Variants in FGF13 observed in about 807,000 individuals in gnomAD.
The protein encoded by FGF13 is fibroblast growth factor homologous factor 2.
In FGF13, 2 loss-of-function variants were observed where a neutral mutation model predicts 19.5. That is an observed-to-expected ratio of 0.10 (90% CI 0.04 to 0.32). FGF13 has a LOEUF of 0.32. Among genes scored for constraint, FGF13 ranks in the 10% least tolerant of loss-of-function variants. FGF13 has a pLI of 1.00. For missense variants in FGF13, 113 were observed against 192.7 expected, an observed-to-expected ratio of 0.59 and a Z score of 2.45; for synonymous variants, 72 against 76.9, an observed-to-expected ratio of 0.94 and a Z score of 0.33.
intron 1 of FGF13, among the ~76,000 whole-genome samples, chrX:139,084,046 T>A (rs1292951411): frequency 9.1e-6 from 1 of 109,488 alleles, no homozygotes; most frequent in Non-Finnish European, 1.9e-5. Context: ...AGATTTTCAG[T>A]TTCTGAGCAC....
intron 1 of FGF13, among the ~76,000 whole-genome samples, chrX:139,130,512 C>A (rs1352538801): frequency 8.9e-6 from 1 of 112,058 alleles, no homozygotes; most frequent in Non-Finnish European, 1.9e-5. Context: ...ATTTGATAGT[C>A]TTCTGTGTCC....
chrX:139,108,340 T>C (rs1422467637), intron 1 of FGF13, among the ~76,000 whole-genome samples: 3 of 111,635 alleles, frequency 2.7e-5, no homozygotes, highest in Non-Finnish European at 3.8e-5. Flanking sequence ...GCAACCCTAA[T>C]GTCTCGAAAC....
chrX:139,037,712 A>G (rs7889036), intron 1 of FGF13, among the ~76,000 whole-genome samples: 1 of 111,585 alleles, frequency 9.0e-6, no homozygotes, highest in Non-Finnish European at 1.9e-5. Context: ...ACAATTACAT[A>G]GGGCCTGCCC....
chrX:138,839,334 C>T (rs1482015176), intron 3 of FGF13, among the ~76,000 whole-genome samples: 1 of 110,946 alleles, frequency 9.0e-6, no homozygotes, highest in Non-Finnish European at 1.9e-5. Flanking sequence ...TTTATAGCAG[C>T]AGAAAACAGA....
intron 1 of FGF13, among the ~76,000 whole-genome samples, chrX:139,033,027 CAAAAAAAAAAA>C (rs758766077): frequency 3.3e-4 from 9 of 27,271 alleles, no homozygotes; most frequent in Admixed American, 2.7e-3. Context: ...TCTGATTATC[CAAAAAAAAAAA>C]AAAAAAAAAA....
At chrX:138,921,497 G>A (rs889137229) in intron 1 of FGF13, among the ~76,000 whole-genome samples, 1 of 111,840 alleles carries the variant, frequency 8.9e-6, no homozygotes, top group Non-Finnish European at 1.9e-5. Context: ...TATAAGAAAT[G>A]CTACCAAGTT....
chrX:138,712,424 C>A (rs2124258909), upstream of FGF13, among the ~76,000 whole-genome samples: 1 of 111,379 alleles, frequency 9.0e-6, no homozygotes, highest in South Asian at 3.8e-4. Flanking sequence ...AATGCAGAGT[C>A]GAACCTCTCT....
intron 3 of FGF13, among the ~76,000 whole-genome samples, chrX:138,778,730 A>G (rs1032538406): frequency 8.9e-6 from 1 of 112,359 alleles, no homozygotes; most frequent in Non-Finnish European, 1.9e-5. Flanking sequence ...GGCGGCAGCC[A>G]GGCTGGGGGA....
intron 1 of FGF13, among the ~76,000 whole-genome samples, chrX:138,868,380 G>A (rs1480143230): frequency 2.7e-5 from 3 of 109,951 alleles, no homozygotes; most frequent in East Asian, 2.9e-4. Flanking sequence ...GTGTGTGTGC[G>A]TGTGTGTGTG....
At chrX:138,826,503 C>T (rs757685493) in intron 3 of FGF13, among the ~76,000 whole-genome samples, 2 of 111,605 alleles carry the variant, frequency 1.8e-5, no homozygotes, top group South Asian at 7.5e-4. Flanking sequence ...ATGCATTTCT[C>T]AAGTGGTAAA....
At chrX:138,859,566 T>C (rs1181962902) in intron 2 of FGF13, among the ~76,000 whole-genome samples, 3 of 112,769 alleles carry the variant, frequency 2.7e-5, no homozygotes, top group Non-Finnish European at 5.6e-5. Context: ...ATGTCACAAA[T>C]TGACATTTCT....
intron 1 of FGF13, among the ~76,000 whole-genome samples, chrX:139,100,518 A>G (rs1267794067): frequency 9.1e-6 from 1 of 110,437 alleles, no homozygotes; most frequent in Non-Finnish European, 1.9e-5. Context: ...AAGATGATCA[A>G]CTCAGGGAAA....
chrX:138,661,352 T>C (rs2089488858), intron 3 of FGF13, among the ~76,000 whole-genome samples: 1 of 112,140 alleles, frequency 8.9e-6, no homozygotes, highest in Admixed American at 9.5e-5. Context: ...TTGTGCCTCT[T>C]ACATAAATCA....
chrX:138,929,720 A>G (rs2091691921), intron 1 of FGF13, among the ~76,000 whole-genome samples: 2 of 110,394 alleles, frequency 1.8e-5, no homozygotes, highest in African/African-American at 3.3e-5. Flanking sequence ...AGTCCAGTTC[A>G]AACTCCTCTA....
At chrX:138,758,368 T>A (rs933445593) in intron 3 of FGF13, among the ~76,000 whole-genome samples, 1 of 111,881 alleles carries the variant, frequency 8.9e-6, no homozygotes. Flanking sequence ...GACCGTACAT[T>A]TCTATGCATG....
chrX:138,660,008 T>C (rs2089474706), intron 3 of FGF13, among the ~76,000 whole-genome samples: 1 of 94,599 alleles, frequency 1.1e-5, no homozygotes, highest in Non-Finnish European at 2.1e-5. Flanking sequence ...CAAACCACCA[T>C]GGCACATGTA....
At chrX:139,123,654 T>A (rs2083694088) in intron 1 of FGF13, among the ~76,000 whole-genome samples, 1 of 112,437 alleles carries the variant, frequency 8.9e-6, no homozygotes, top group Non-Finnish European at 1.9e-5. Context: ...TTATTGTGTG[T>A]CTTCTGTATT....
intron 1 of FGF13, among the ~76,000 whole-genome samples, chrX:139,013,489 AT>A (rs2092139165): frequency 4.8e-4 from 1 of 2,064 alleles, no homozygotes; most frequent in African/African-American, 9.0e-4. Flanking sequence ...TTATATATAT[AT>A]ATATATATAT....
intron 1 of FGF13, among the ~76,000 whole-genome samples, chrX:139,151,176 T>G (rs770872876): frequency 9.0e-6 from 1 of 111,707 alleles, no homozygotes; most frequent in Non-Finnish European, 1.9e-5. Flanking sequence ...ATCTTACAGC[T>G]TGTTATTTAA....
Sources: gnomAD v4.1 joint callset for allele counts (sites outside exome capture counted in the v4.1 genomes callset) on GRCh38, gnomAD v4.1.1 for gene constraint, MANE v1.5 for transcripts, NCBI Gene and HGNC (gene_info 2026-07-23, HGNC 2026-07-21) for gene names.